CCSER1: variants seen among roughly 807,000 people sequenced by gnomAD.
CCSER1 encodes coiled-coil serine rich protein 1, also known as serine-rich coiled-coil domain-containing protein 1.
A neutral mutation model predicts 82.0 loss-of-function variants in CCSER1; 41 were observed. That is an observed-to-expected ratio of 0.50 (90% CI 0.39 to 0.65). The LOEUF is 0.65. CCSER1 is among the 30% of genes least tolerant of loss of function. The pLI, the probability that CCSER1 is intolerant of heterozygous loss-of-function variation, is 0.00. For missense variants in CCSER1, 1,119 were observed against 1,064.2 expected (o/e 1.05, Z -0.72); for synonymous variants, 414 against 383.9 (o/e 1.08, Z -0.92).
intron 7 of CCSER1, among the ~76,000 whole-genome samples, chr4:90,755,215 T>C (rs1159797764): frequency 6.6e-6 from 1 of 152,192 alleles, no homozygotes; most frequent in Non-Finnish European, 1.5e-5. Flanking sequence ...ATCAGGATGG[T>C]ATAACTGAGG....
At chr4:90,661,609 T>A (rs1730796341) in intron 6 of CCSER1, among the ~76,000 whole-genome samples, 2 of 152,168 alleles carry the variant, frequency 1.3e-5, no homozygotes, top group Admixed American at 1.3e-4. Flanking sequence ...AAGGAGAACC[T>A]CCCTGGGCTG....
chr4:90,630,919 A>C (rs1724284297), intron 6 of CCSER1, among the ~76,000 whole-genome samples: 2 of 147,326 alleles, frequency 1.4e-5, no homozygotes, highest in South Asian at 4.3e-4. Context: ...TTTGAGATGG[A>C]GTCTCGCTCT....
chr4:91,022,406 C>T (rs371338567), intron 9 of CCSER1, among the ~76,000 whole-genome samples: 7 of 152,080 alleles, frequency 4.6e-5, no homozygotes, highest in South Asian at 2.1e-4. Context: ...ATCCAGTCTA[C>T]CATTGTTGGA....
chr4:90,246,715 A>G (rs1721468998), intron 1 of CCSER1, among the ~76,000 whole-genome samples: 2 of 152,226 alleles, frequency 1.3e-5, no homozygotes. Flanking sequence ...AGTTTAATAT[A>G]TAAATTAGGC....
chr4:91,359,387 C>T (rs1022008356), intron 10 of CCSER1, among the ~76,000 whole-genome samples: 2 of 151,768 alleles, frequency 1.3e-5, no homozygotes, highest in Non-Finnish European at 2.9e-5. Context: ...AAAACAGGTA[C>T]TGAGTATAAA....
Position 90,647,371 on chromosome 4 carries a change from A to G in CCSER1, c.1932+19139A>G, listed in dbSNP as rs77756139. ...GTTGTTGTTTCTCAGGTAGACACAT[A>G]TGAGCACGTTAACCGCTTTTACAGG... On this transcript the variant is annotated intron_variant, in intron 6 of 10. Coordinates refer to ENST00000509176, the MANE Select transcript of CCSER1 (RefSeq NM_001145065.2). Among the ~76,000 whole-genome samples, 457 of 152,298 alleles carry G rather than the reference A, an allele frequency of 3.0e-3. 3 individuals are homozygous for G. The highest frequency in any genetic ancestry group is 5.3e-3 in the Non-Finnish European group (361 of 68,022).
chr4:90,402,787 T>C (rs954911247), intron 4 of CCSER1, among the ~76,000 whole-genome samples: 1 of 152,332 alleles, frequency 6.6e-6, no homozygotes, highest in East Asian at 1.9e-4. Context: ...TAAACTTTAG[T>C]CTCTCCTTTA....
chr4:91,213,691 G>A (rs1737017497), intron 10 of CCSER1, among the ~76,000 whole-genome samples: 1 of 152,054 alleles, frequency 6.6e-6, no homozygotes, highest in South Asian at 2.1e-4. Flanking sequence ...TTTACAACTT[G>A]GATTTACAAA....
intron 5 of CCSER1, among the ~76,000 whole-genome samples, chr4:90,489,744 T>G (rs1333701412): frequency 6.6e-6 from 1 of 152,144 alleles, no homozygotes. Flanking sequence ...ATTGTTTAAT[T>G]CCCACCTATG....
At chr4:90,795,508 C>T (rs1755875675) in intron 7 of CCSER1, among the ~76,000 whole-genome samples, 1 of 152,120 alleles carries the variant, frequency 6.6e-6, no homozygotes, top group South Asian at 2.1e-4. Flanking sequence ...CCTGATTATC[C>T]TGGCCAGGAC....
intron 7 of CCSER1, among the ~76,000 whole-genome samples, chr4:90,760,130 A>G (rs1417061370): frequency 6.6e-6 from 1 of 152,022 alleles, no homozygotes; most frequent in Non-Finnish European, 1.5e-5. Context: ...ATAAGAAATG[A>G]AGGATATATA....
chr4:90,633,240 G>A (rs1246194151), intron 6 of CCSER1, among the ~76,000 whole-genome samples: 4 of 151,970 alleles, frequency 2.6e-5, no homozygotes, highest in Non-Finnish European at 5.9e-5. Flanking sequence ...AATAACTGTT[G>A]GCAGAAAACA....
intron 5 of CCSER1, among the ~76,000 whole-genome samples, chr4:90,561,106 G>T (rs746280403): frequency 2.0e-5 from 3 of 152,132 alleles, no homozygotes; most frequent in African/African-American, 4.8e-5. Context: ...CACTGCCATG[G>T]ACGTTCATAA....
chr4:90,765,401 T>G (rs1482643221), intron 7 of CCSER1, among the ~76,000 whole-genome samples: 2 of 152,144 alleles, frequency 1.3e-5, no homozygotes, highest in African/African-American at 4.8e-5. Context: ...CATCCTAATA[T>G]GGATTTTCTT....
At chr4:90,210,451 T>C (rs1345467769) in intron 1 of CCSER1, among the ~76,000 whole-genome samples, 1 of 28,636 alleles carries the variant, frequency 3.5e-5, no homozygotes, top group African/African-American at 2.7e-4. Context: ...TTTTCTTTTC[T>C]TTTTTTTTTT....
intron 1 of CCSER1, among the ~76,000 whole-genome samples, chr4:90,168,947 G>A (rs564710714): frequency 1.1e-4 from 17 of 151,560 alleles, no homozygotes; most frequent in South Asian, 2.1e-4. Context: ...TAGGATTGAC[G>A]TGGTGATGCG....
chr4:91,349,366 A>C (rs1301508927), intron 10 of CCSER1, among the ~76,000 whole-genome samples: 2 of 152,082 alleles, frequency 1.3e-5, no homozygotes, highest in Non-Finnish European at 2.9e-5. Flanking sequence ...CTAAGAGACA[A>C]ATTCATCTTT....
intron 4 of CCSER1, among the ~76,000 whole-genome samples, chr4:90,409,299 G>T (rs1161709948): frequency 6.6e-6 from 1 of 152,060 alleles, no homozygotes; most frequent in Non-Finnish European, 1.5e-5. Context: ...GATAATCCTC[G>T]AGAAGAGCAA....
chr4:91,144,425 G>T (rs1729351805), intron 10 of CCSER1, among the ~76,000 whole-genome samples: 1 of 151,370 alleles, frequency 6.6e-6, no homozygotes, highest in African/African-American at 2.4e-5. Context: ...TATTTTTGTT[G>T]ATCTTTTGTA....
Sources: gnomAD v4.1 joint callset for allele counts (sites outside exome capture counted in the v4.1 genomes callset) on GRCh38, gnomAD v4.1.1 for gene constraint, MANE v1.5 for transcripts, NCBI Gene and HGNC (gene_info 2026-07-23, HGNC 2026-07-21) for gene names.